The following ATP8A2 variants were observed in gnomAD, a reference collection of about 807,000 sequenced individuals.
ATP8A2 encodes phospholipid-transporting ATPase IB.
A neutral mutation model predicts 165.6 loss-of-function variants in ATP8A2; 100 were observed. The ratio of observed to expected loss-of-function variants is 0.60; its 90% CI spans 0.51 to 0.71. ATP8A2 has a LOEUF of 0.71. ATP8A2 is among the 30% of genes least tolerant of loss of function. The pLI is 0.00. For synonymous variants in ATP8A2, 543 were observed against 548.8 expected, an observed-to-expected ratio of 0.99 and a Z score of 0.15; for missense variants, 1,227 against 1,479.5, an observed-to-expected ratio of 0.83 and a Z score of 2.80.
rs9578862 is a variant in ATP8A2, at chr13:25,433,931, A to G, written c.77-35046A>G. On this transcript the variant is annotated intron_variant, in intron 1 of 36. Transcript: ENST00000381655. ...AGCGGGAGCTGAACAGTGGGTACAC[A>G]TGGACATAAAGATGGAAATAATAGA... Among the ~76,000 whole-genome samples the G allele has an allele frequency of 1.9e-3, 285 of 152,288 alleles. 2 individuals carry two copies. Among genetic ancestry groups the G allele is most frequent in the African/African-American group, 6.6e-3 (274 of 41,560 alleles).
At chr13:25,684,547 C>T (rs1436127088) in intron 24 of ATP8A2, among the ~76,000 whole-genome samples, 3 of 152,172 alleles carry the variant, frequency 2.0e-5, no homozygotes, top group Non-Finnish European at 2.9e-5. Context: ...AATTAGAAAC[C>T]TCTTGGTATA....
chr13:25,961,733 T>G, intron 34 of ATP8A2, 70 bp downstream of exon 34: 1 of 1,155,106 alleles, frequency 8.7e-7, no homozygotes, highest in Non-Finnish European at 1.3e-6. Flanking sequence ...TTCTCATGAG[T>G]CCTGCTACAG....
chr13:25,389,370 A>G (rs546088723), intron 1 of ATP8A2, among the ~76,000 whole-genome samples: 1 of 152,332 alleles, frequency 6.6e-6, no homozygotes, highest in East Asian at 1.9e-4. Flanking sequence ...AAATAAGACA[A>G]CAGGCTGAAA....
chr13:25,654,980 A>T (rs2041895877), intron 24 of ATP8A2, among the ~76,000 whole-genome samples: 1 of 152,170 alleles, frequency 6.6e-6, no homozygotes, highest in Non-Finnish European at 1.5e-5. Context: ...CCGAAGGGTG[A>T]TGTGGACAGG....
intron 1 of ATP8A2, among the ~76,000 whole-genome samples, chr13:25,389,574 T>C: frequency 6.6e-6 from 1 of 152,242 alleles, no homozygotes; most frequent in East Asian, 1.9e-4. Flanking sequence ...TGGTAATTAA[T>C]GGAGAAATGC....
intron 2 of ATP8A2, among the ~76,000 whole-genome samples, chr13:25,513,586 T>TC (rs1206232282): frequency 6.6e-6 from 1 of 151,986 alleles, no homozygotes; most frequent in African/African-American, 2.4e-5. Context: ...ATCTCGGCAC[T>TC]TTGGGAGGCC....
chr13:25,964,088 C>T (rs1464481664), intron 34 of ATP8A2, among the ~76,000 whole-genome samples: 3 of 152,226 alleles, frequency 2.0e-5, no homozygotes, highest in Admixed American at 6.5e-5. Flanking sequence ...GGCCACCCAG[C>T]ACCTGGCACC....
In ATP8A2 at chr13:25,930,677, T is replaced by C. The variant is rs80081959; in HGVS notation, c.3184-30898T>C. Among the ~76,000 whole-genome samples, 4 of 152,342 alleles carry C rather than the reference T, an allele frequency of 2.6e-5. No individual in the cohort carries two copies. In the East Asian group the frequency reaches 5.8e-4, roughly 22 times the overall value. On this transcript the variant is annotated intron_variant, in intron 33 of 36. Coordinates refer to ENST00000381655, the MANE Select transcript of ATP8A2 (RefSeq NM_016529.6). Reference sequence around the variant, plus strand: ...TGAGGAACCTTATGTGGTTTTTTTTTCGTCATTGTGTGCCCAGCAAGTGGC... The same window carrying C: ...TGAGGAACCTTATGTGGTTTTTTTTCCGTCATTGTGTGCCCAGCAAGTGGC...
chr13:25,462,045 C>G (rs1210606570), intron 1 of ATP8A2, among the ~76,000 whole-genome samples: 2 of 152,202 alleles, frequency 1.3e-5, no homozygotes, highest in Non-Finnish European at 1.5e-5. Context: ...CCTAAGCTCA[C>G]AAGAAGCAAC....
At chr13:25,481,407 G>T (rs372600390) in intron 2 of ATP8A2, among the ~76,000 whole-genome samples, 1 of 152,162 alleles carries the variant, frequency 6.6e-6, no homozygotes, top group Non-Finnish European at 1.5e-5. Context: ...GAGACTCAAC[G>T]CCCATGCATC....
At chr13:26,018,248 C>T (rs560922392) in intron 36 of ATP8A2, among the ~76,000 whole-genome samples, 5 of 152,332 alleles carry the variant, frequency 3.3e-5, no homozygotes, top group East Asian at 1.9e-4. Context: ...AGCCCAGGAC[C>T]GGGACTCTCA....
chr13:25,798,360 T>C (rs1241850592), intron 27 of ATP8A2, among the ~76,000 whole-genome samples: 1 of 152,196 alleles, frequency 6.6e-6, no homozygotes, highest in African/African-American at 2.4e-5. Flanking sequence ...TTCCTCAGCT[T>C]TTTCTGTTTG....
intron 1 of ATP8A2, among the ~76,000 whole-genome samples, chr13:25,410,026 A>G (rs1245894449): frequency 1.3e-5 from 2 of 151,204 alleles, no homozygotes; most frequent in African/African-American, 4.9e-5. Context: ...TCAGAAAATC[A>G]TTCTCCTAAT....
At chr13:25,593,087 A>G (rs1413201660) in intron 24 of ATP8A2, among the ~76,000 whole-genome samples, 4 of 152,158 alleles carry the variant, frequency 2.6e-5, no homozygotes, top group African/African-American at 7.2e-5. Context: ...GGTTAAAACC[A>G]TTCCTATTCT....
chr13:25,546,875 A>G (rs1316495642), intron 10 of ATP8A2, among the ~76,000 whole-genome samples: 1 of 152,180 alleles, frequency 6.6e-6, no homozygotes, highest in South Asian at 2.1e-4. Flanking sequence ...CACGCCTGCA[A>G]TCCCAGCACT....
intron 27 of ATP8A2, among the ~76,000 whole-genome samples, chr13:25,802,065 A>G (rs576566462): frequency 1.9e-4 from 29 of 152,340 alleles, no homozygotes; most frequent in African/African-American, 6.7e-4. Flanking sequence ...TCAAGATGAG[A>G]TTTGGGTGAG....
chr13:25,600,080 T>C (rs1469506823), intron 24 of ATP8A2, among the ~76,000 whole-genome samples: 1 of 152,174 alleles, frequency 6.6e-6, no homozygotes, highest in Non-Finnish European at 1.5e-5. Context: ...GTTTGCTAAC[T>C]AGGTAACTAA....
intron 1 of ATP8A2, among the ~76,000 whole-genome samples, chr13:25,408,391 C>CG (rs1566111001): frequency 6.8e-6 from 1 of 146,060 alleles, no homozygotes; most frequent in African/African-American, 2.5e-5. Context: ...GACTCCGTCT[C>CG]AAAAAAAAAA....
chr13:25,621,748 G>T (rs948375945), intron 24 of ATP8A2, among the ~76,000 whole-genome samples: 1 of 152,130 alleles, frequency 6.6e-6, no homozygotes, highest in Admixed American at 6.5e-5. Context: ...AAATTGTAGA[G>T]GAAACAAATT....
Sources: gnomAD v4.1 joint callset for allele counts (sites outside exome capture counted in the v4.1 genomes callset) on GRCh38, gnomAD v4.1.1 for gene constraint, MANE v1.5 for transcripts, NCBI Gene and HGNC (gene_info 2026-07-23, HGNC 2026-07-21) for gene names.